ZFYVE28: variants seen among roughly 807,000 people sequenced by gnomAD.
ZFYVE28 encodes the protein zinc finger FYVE-type containing 28, also known as lateral signaling target protein 2 homolog.
In ZFYVE28, 40 loss-of-function variants were observed where a neutral mutation model predicts 82.1. That is an observed-to-expected ratio of 0.49 (90% CI 0.38 to 0.63). The LOEUF (loss-of-function observed/expected upper bound fraction) is 0.63. ZFYVE28 is among the 30% of genes least tolerant of loss of function. The pLI is 0.00. For missense variants in ZFYVE28, 1,321 were observed against 1,242.1 expected (o/e 1.06, Z -0.96); for synonymous variants, 612 against 546.1 (o/e 1.12, Z -1.68).
Position 2,341,355 on chromosome 4 carries a change from A to C in ZFYVE28, c.318+123T>G. ...GACCACACCACGTAACCCAGAGTGG[A>C]CGGAGCTCTTGGAGGAGACACCAGG... On this transcript the variant is annotated intron_variant, in intron 3 of 12. Coordinates refer to ENST00000290974, the MANE Select transcript of ZFYVE28 (RefSeq NM_020972.3). This position sits in a 1 kb window ranked among gnomAD's most constrained non-coding sequence, Gnocchi z 4.5. The C allele has an allele frequency of 1.5e-6, 2 of 1,352,102 alleles. No homozygotes were observed. Among genetic ancestry groups the C allele is most frequent in the East Asian group, 5.0e-5 (2 of 39,702 alleles). 83.8% of individuals were successfully genotyped at this position (1,352,102 alleles called of 1,614,324 possible). A position where few individuals can be genotyped will look rare whatever the true frequency, so the allele number is the denominator to read the frequency against.
chr4:2,350,324 C>T (rs180952090), intron 2 of ZFYVE28, among the ~76,000 whole-genome samples: 53 of 151,964 alleles, frequency 3.5e-4, no homozygotes, highest in Admixed American at 1.6e-3. Context: ...ATTAGCCGGG[C>T]GAGGTGGCGG....
At chr4:2,367,496 G>C (rs932532890) in intron 1 of ZFYVE28, among the ~76,000 whole-genome samples, 2 of 152,234 alleles carry the variant, frequency 1.3e-5, no homozygotes, top group Non-Finnish European at 2.9e-5. Context: ...AAATTTGCTT[G>C]TGGAAAATGG....
chr4:2,336,099 C>G (rs1003913930), intron 5 of ZFYVE28, among the ~76,000 whole-genome samples: 4 of 152,204 alleles, frequency 2.6e-5, no homozygotes, highest in African/African-American at 9.7e-5. Context: ...CTATGATGCC[C>G]AGCAAAGACA....
At chr4:2,380,823 C>T (rs537008959) in intron 1 of ZFYVE28, among the ~76,000 whole-genome samples, 20 of 152,306 alleles carry the variant, frequency 1.3e-4, no homozygotes, top group African/African-American at 4.3e-4. Context: ...TGCTGTGATT[C>T]GGAGGCCTCC....
At chr4:2,393,539 G>C (rs757918611) in intron 1 of ZFYVE28, among the ~76,000 whole-genome samples, 19 of 152,248 alleles carry the variant, frequency 1.2e-4, no homozygotes, top group Non-Finnish European at 2.6e-4. Context: ...ACCTCCCACA[G>C]TCCCTGAGCC....
In ZFYVE28 at chr4:2,335,580, G is replaced by C; in HGVS notation, c.701+125C>G. On this transcript the variant is annotated intron_variant, in intron 6 of 12. Transcript: ENST00000290974. This position sits in a 1 kb window ranked among gnomAD's most constrained non-coding sequence, Gnocchi z 5.8. Reference sequence around the variant, plus strand: ...ACAGCAGGCCTGCCTGTCACTGATCGGGACAGCTGAGCGGCCACCGTGAGG... The same window carrying C: ...ACAGCAGGCCTGCCTGTCACTGATCCGGACAGCTGAGCGGCCACCGTGAGG... The C allele has an allele frequency of 3.5e-6, 3 of 859,186 alleles. No individual in the cohort carries two copies. The highest frequency in any genetic ancestry group is 3.2e-4 in the Middle Eastern group (1 of 3,174). The allele number at this position is 859,186 out of a possible 1,614,324, so 53.2% of individuals were successfully genotyped here.
At chr4:2,321,657 C>A (rs991364676) in intron 6 of ZFYVE28, among the ~76,000 whole-genome samples, 1 of 152,098 alleles carries the variant, frequency 6.6e-6, no homozygotes, top group Non-Finnish European at 1.5e-5. Context: ...CAGGCAGTCT[C>A]AGGACAAAGG....
intron 7 of ZFYVE28, among the ~76,000 whole-genome samples, chr4:2,311,954 GT>G (rs1478839531): frequency 6.6e-6 from 1 of 151,676 alleles, no homozygotes; most frequent in Non-Finnish European, 1.5e-5. Context: ...GTTTTTTATT[GT>G]TGTTTTAATA....
rs567333004 is a variant in ZFYVE28 at position 2,411,640 on chromosome 4, C to G, written c.39+6645G>C. Among the ~76,000 whole-genome samples, 215 of 152,298 alleles carry G rather than the reference C, an allele frequency of 1.4e-3. 2 individuals are homozygous for G. The highest frequency in any genetic ancestry group is 2.6e-3 in the Non-Finnish European group (175 of 68,018). On this transcript the variant is annotated intron_variant, in intron 1 of 12. Transcript: ENST00000290974. ...GGTCCCGCGGACAGGAGTGTAAATC[C>G]CAGCCCTGCTTCCTCCTGGCTGTAG... is the stretch of plus-strand genomic sequence containing the variant.
intron 8 of ZFYVE28, among the ~76,000 whole-genome samples, chr4:2,275,361 T>C (rs1380946828): frequency 6.6e-6 from 1 of 152,224 alleles, no homozygotes; most frequent in East Asian, 1.9e-4. Flanking sequence ...TAAACTAATT[T>C]ATCTCCTATC....
At chr4:2,383,498 G>A (rs1025590674) in intron 1 of ZFYVE28, among the ~76,000 whole-genome samples, 2 of 152,180 alleles carry the variant, frequency 1.3e-5, no homozygotes, top group East Asian at 1.9e-4. Context: ...TCTCAGGTAT[G>A]TCTTTATCAG....
chr4:2,277,973 G>A (rs2108801191), intron 8 of ZFYVE28, among the ~76,000 whole-genome samples: 1 of 152,284 alleles, frequency 6.6e-6, no homozygotes, highest in African/African-American at 2.4e-5. Flanking sequence ...CAGCAGCATA[G>A]GACCGACATA....
In ZFYVE28 at chr4:2,270,922, C is replaced by T; in HGVS notation, c.2533-66G>A. ...GCCCCACCCACCCTGGCTCCTCGCC[C>T]TCCCACACACCTACCCACCCAGCTC... On this transcript the variant is annotated intron_variant, in intron 12 of 12. Coordinates refer to ENST00000290974, the MANE Select transcript of ZFYVE28 (RefSeq NM_020972.3). 1.9e-6 allele frequency: 3 copies of T among 1,553,694 alleles called. No individual in the cohort carries two copies. The South Asian group carries it at 3.6e-5, about 18-fold the overall frequency.
At chr4:2,275,732 T>C (rs1014730759) in intron 8 of ZFYVE28, among the ~76,000 whole-genome samples, 2 of 152,206 alleles carry the variant, frequency 1.3e-5, no homozygotes, top group African/African-American at 4.8e-5. Context: ...GGAAAAAATG[T>C]TCGCACCGTT....
At position 2,389,178 on chromosome 4, in the gene ZFYVE28, C is replaced by T. The variant is rs915278570; in HGVS notation, c.39+29107G>A. Among the ~76,000 whole-genome samples, 17 of 152,346 alleles carry T rather than the reference C, an allele frequency of 1.1e-4. 1 individual carries two copies. The highest frequency in any genetic ancestry group is 3.1e-4 in the African/African-American group (13 of 41,568). On this transcript the variant is annotated intron_variant, in intron 1 of 12. Coordinates refer to ENST00000290974, the MANE Select transcript of ZFYVE28 (RefSeq NM_020972.3). ...CCCCTACAATCCTAATGGCTACAGC[C>T]TAACCCCACTCACACCCATGGCCAG... is the stretch of plus-strand genomic sequence containing the variant.
chr4:2,291,745 C>T (rs1713738611), intron 8 of ZFYVE28, among the ~76,000 whole-genome samples: 2 of 152,218 alleles, frequency 1.3e-5, no homozygotes, highest in Admixed American at 6.5e-5. Context: ...GCCTGCCACA[C>T]TTGCCGATGC....
At chr4:2,400,660 C>T (rs968633955) in intron 1 of ZFYVE28, among the ~76,000 whole-genome samples, 4 of 152,182 alleles carry the variant, frequency 2.6e-5, no homozygotes, top group African/African-American at 9.7e-5. Flanking sequence ...GAGTCCCAAA[C>T]AGAAGAACCT....
At chr4:2,294,725 A>C (rs1007487982) in intron 8 of ZFYVE28, among the ~76,000 whole-genome samples, 6 of 152,262 alleles carry the variant, frequency 3.9e-5, no homozygotes, top group Middle Eastern at 3.2e-3. Flanking sequence ...ATAAAGAACT[A>C]TCAGTACTCA....
At chr4:2,383,447 C>A (rs1168849389) in intron 1 of ZFYVE28, among the ~76,000 whole-genome samples, 1 of 152,266 alleles carries the variant, frequency 6.6e-6, no homozygotes, top group East Asian at 1.9e-4. Context: ...CCCACAGCCA[C>A]GTGGAACTAC....
Sources: gnomAD v4.1 joint callset for allele counts (sites outside exome capture counted in the v4.1 genomes callset) on GRCh38, gnomAD v4.1.1 for gene constraint, Gnocchi (gnomAD v3.1) non-coding constraint, MANE v1.5 for transcripts, NCBI Gene and HGNC (gene_info 2026-07-23, HGNC 2026-07-21) for gene names.